Variants in ABCB1 observed in about 807,000 individuals in gnomAD.
The protein encoded by ABCB1 is ATP binding cassette subfamily B member 1, also known as ATP-dependent translocase ABCB1.
Under a neutral mutation model 142.0 loss-of-function variants are expected in ABCB1, and 69 were observed. That is an observed-to-expected ratio of 0.49 (90% CI 0.40 to 0.59). ABCB1 has a LOEUF of 0.59. ABCB1 is among the 20% of genes least tolerant of loss of function. The pLI, the probability that ABCB1 is intolerant of heterozygous loss-of-function variation, is 0.00. For synonymous variants in ABCB1, 532 were observed against 539.2 expected (o/e 0.99, Z 0.18); for missense variants, 1,326 against 1,554.7 (o/e 0.85, Z 2.47).
At chr7:87,707,906 TGAG>T (rs1391800040) in intron 1 of ABCB1, among the ~76,000 whole-genome samples, 1 of 151,922 alleles carries the variant, frequency 6.6e-6, no homozygotes, top group Non-Finnish European at 1.5e-5. Context: ...TGAGTGAAAC[TGAG>T]GAGAACTTCT....
In ABCB1 at chr7:87,550,067, G is replaced by C; in HGVS notation, c.1351-13C>G. 1 of 1,614,132 alleles carries C rather than the reference G, an allele frequency of 6.2e-7. No homozygotes were observed. The highest frequency in any genetic ancestry group is 8.5e-7 in the Non-Finnish European group (1 of 1,180,014). ...CATCAACACTGACCTGGAATAAAAA[G>C]TAAGTGTGACTTTCATACATTTGTA... On this transcript the variant is annotated splice_polypyrimidine_tract_variant and intron_variant, in intron 12 of 27. Transcript: ENST00000622132.
At chr7:87,628,586 T>TGCGTGC (rs199520818) in intron 1 of ABCB1, 104 of 16,142 alleles carry the variant, frequency 6.4e-3, no homozygotes, top group South Asian at 0.01. Context: ...CGTGCGTGCG[T>TGCGTGC]GTGTGTGTGT....
At chr7:87,623,130 T>C (rs1820285234) in intron 1 of ABCB1, among the ~76,000 whole-genome samples, 1 of 152,242 alleles carries the variant, frequency 6.6e-6, no homozygotes, top group Non-Finnish European at 1.5e-5. Context: ...TGTGACTTTC[T>C]ATATGTTACT....
intron 6 of ABCB1, 76 bp from the exon 7 acceptor site, chr7:87,566,317 T>G: frequency 6.9e-7 from 1 of 1,445,736 alleles, no homozygotes; most frequent in Non-Finnish European, 9.7e-7. Flanking sequence ...CTGTTTTGAG[T>G]GTAGGGTAGT....
intron 4 of ABCB1, 54 bp from the exon 5 acceptor site, chr7:87,570,277 A>C: frequency 6.7e-7 from 1 of 1,489,904 alleles, no homozygotes. Flanking sequence ...CTCCATTAAA[A>C]ATAAACATGT....
intron 9 of ABCB1, among the ~76,000 whole-genome samples, chr7:87,551,498 T>A (rs1011718787): frequency 2.9e-4 from 44 of 152,312 alleles, no homozygotes; most frequent in East Asian, 3.9e-4. Context: ...AAAATTTTTT[T>A]AAAAAAATTT....
At chr7:87,674,285 T>C (rs994855760) in intron 1 of ABCB1, among the ~76,000 whole-genome samples, 14 of 152,162 alleles carry the variant, frequency 9.2e-5, no homozygotes, top group Admixed American at 2.0e-4. Context: ...CAGGTACTTA[T>C]GCAGTTGTGG....
chr7:87,537,293 C>T (rs1032735981), intron 19 of ABCB1, among the ~76,000 whole-genome samples: 8 of 152,226 alleles, frequency 5.3e-5, no homozygotes, highest in African/African-American at 1.2e-4. Context: ...GTCTTACAGG[C>T]GACTGTCAAG....
At chr7:87,504,597 A>C in intron 27 of ABCB1, 148 bp from the exon 28 acceptor site, 2 of 1,013,828 alleles carry the variant, frequency 2.0e-6, no homozygotes. Flanking sequence ...TCACAAGGTC[A>C]GATTGAGACC....
intron 1 of ABCB1, among the ~76,000 whole-genome samples, chr7:87,636,575 A>G (rs944832352): frequency 1.4e-4 from 22 of 152,202 alleles, no homozygotes; most frequent in Non-Finnish European, 3.1e-4. Flanking sequence ...AAAATGGCCC[A>G]TAAATTTCCT....
chr7:87,520,701 A>G, intron 22 of ABCB1, 75 bp downstream of exon 22: 2 of 1,333,070 alleles, frequency 1.5e-6, no homozygotes, highest in Non-Finnish European at 2.2e-6. Context: ...TTCTAGCCAA[A>G]GTAATCCCTC....
chr7:87,563,037 T>C (rs2129789446), intron 7 of ABCB1, among the ~76,000 whole-genome samples: 1 of 152,336 alleles, frequency 6.6e-6, no homozygotes, highest in East Asian at 1.9e-4. Flanking sequence ...TGAATGCTTC[T>C]GTGCACATAA....
intron 3 of ABCB1, among the ~76,000 whole-genome samples, chr7:87,595,336 G>T (rs1488249711): frequency 9.2e-5 from 14 of 152,008 alleles, no homozygotes; most frequent in Admixed American, 9.2e-4. Context: ...ACTAAAATTT[G>T]CAATGGACTA....
intron 1 of ABCB1, chr7:87,628,816 A>T (rs1033291762): frequency 3.2e-6 from 4 of 1,240,724 alleles, no homozygotes; most frequent in Non-Finnish European, 3.1e-6. Context: ...CACGGGGGTA[A>T]GCCCGCCATG....
rs577490659 is a variant in ABCB1, at chr7:87,626,440, A to G, written c.-330-25362T>C. Among the ~76,000 whole-genome samples, 48 of 20,628 alleles carry G rather than the reference A, an allele frequency of 2.3e-3. 18 individuals carry two copies. Among genetic ancestry groups the G allele is most frequent in the South Asian group, 7.0e-3 (2 of 284 alleles). The allele number at this position is 20,628 out of a possible 152,430, so 13.5% of individuals were successfully genotyped here. A position where few individuals can be genotyped will look rare whatever the true frequency, so the allele number is the denominator to read the frequency against. ...TATATGTGTCATATGTATGTGTCAT[A>G]TATGTGTCATATATATGTGTCATAT... On this transcript the variant is annotated intron_variant, in intron 1 of 28. Coordinates refer to the ABCB1 transcript ENST00000265724.
Position 87,541,347 on chromosome 7 carries a change from A to G in ABCB1, c.2319+10T>C. 1 of 1,466,442 alleles carries G rather than the reference A, an allele frequency of 6.8e-7. No homozygotes were observed. Among genetic ancestry groups the G allele is most frequent in the Non-Finnish European group, 9.6e-7 (1 of 1,046,128 alleles). 90.8% of individuals were successfully genotyped at this position (1,466,442 alleles called of 1,614,324 possible). A position where few individuals can be genotyped will look rare whatever the true frequency, so the allele number is the denominator to read the frequency against. ...CTCAAAATGAATATAGTGAAAATGG[A>G]AACATTTACCTGAAGGAAAAATGTA... On this transcript the variant is annotated intron_variant, in intron 18 of 27. Coordinates refer to ENST00000622132, the MANE Select transcript of ABCB1 (RefSeq NM_001348946.2).
chr7:87,515,249 G>T lies in ABCB1; in HGVS notation c.3264C>A (p.Asp1088Glu). ...TGCTCACCACTTTCCCTGCCAAGGG[G>T]TCGTAGAACCGCTCCAGGAGCTGGA... ...TVVQLLERFY[D>E]PLAGKVLLDG... Residue 1088 changes from aspartate (D) to glutamate (E), a missense_variant, in exon 25 of 28, where the codon GAC becomes GAA. Transcript: ENST00000622132. The T allele has an allele frequency of 6.2e-7, 1 of 1,613,850 alleles. No individual in the cohort carries two copies. Among genetic ancestry groups the T allele is most frequent in the Non-Finnish European group, 8.5e-7 (1 of 1,180,010 alleles).
rs1817798737 is a variant in ABCB1 at position 87,566,765 on chromosome 7, A to T, written c.530+20T>A. 1.2e-6 allele frequency: 2 copies of T among 1,612,656 alleles called. No individual in the cohort carries two copies. The highest frequency in any genetic ancestry group is 8.5e-7 in the Non-Finnish European group (1 of 1,178,792). ...AGGATAAGAACGACACCCAAGTTCA[A>T]CATAAAACTAAATACTTACTCTGTA... On this transcript the variant is annotated intron_variant, in intron 6 of 27. Coordinates refer to ENST00000622132, the MANE Select transcript of ABCB1 (RefSeq NM_001348946.2).
intron 1 of ABCB1, among the ~76,000 whole-genome samples, chr7:87,675,307 A>G (rs1826215813): frequency 1.3e-5 from 2 of 152,178 alleles, no homozygotes; most frequent in South Asian, 4.1e-4. Context: ...TATCAATATA[A>G]TCTTTTTCAA....
Sources: gnomAD v4.1 joint callset for allele counts (sites outside exome capture counted in the v4.1 genomes callset) on GRCh38, gnomAD v4.1.1 for gene constraint, MANE v1.5 for transcripts, NCBI Gene and HGNC (gene_info 2026-07-23, HGNC 2026-07-21) for gene names.